Variants in UMODL1 observed in about 807,000 individuals in gnomAD.
The protein encoded by UMODL1 is uromodulin like 1.
In UMODL1, 128 loss-of-function variants were observed where a neutral mutation model predicts 136.3. The ratio of observed to expected loss-of-function variants is 0.94; its 90% CI spans 0.81 to 1.09. The LOEUF (loss-of-function observed/expected upper bound fraction) is 1.09, where lower values mean the gene tolerates loss of function less well. UMODL1 is among the 50% of genes least tolerant of loss of function. UMODL1 has a pLI of 0.00. For missense variants in UMODL1, 1,766 were observed against 1,725.6 expected, an observed-to-expected ratio of 1.02 and a Z score of -0.41; for synonymous variants, 721 against 720.0, an observed-to-expected ratio of 1.00 and a Z score of -0.02.
In UMODL1 at chr21:42,102,201, A is replaced by ACT. The variant is rs1253657953; in HGVS notation, c.1222_1223insCT (p.Asn408ThrfsTer5). The stretch of plus-strand genomic sequence containing the variant: ...ATTTGAAGTCACAATAAAGATTGTA[A>ACT]ACCACAACCTGACGGAGAAGTTACT... On this transcript the variant is annotated frameshift_variant, in exon 8 of 23. Coordinates refer to ENST00000408910, the MANE Select transcript of UMODL1 (RefSeq NM_001004416.3). LOFTEE classifies it high-confidence loss of function. 2 of 1,613,708 alleles carry ACT rather than the reference A, an allele frequency of 1.2e-6. No individual in the cohort carries two copies. The highest frequency in any genetic ancestry group is 2.7e-5 in the African/African-American group (2 of 74,926).
At position 42,103,979 on chromosome 21, in the gene UMODL1, G is replaced by T. The variant is rs150059583; in HGVS notation, c.1411G>T (p.Val471Leu). The change falls in exon 9 of 23, where the codon GTG (valine) becomes TTG (leucine). Residue 471 changes from valine (V) to leucine (L), a missense_variant. Physicochemically the swap from Val to Leu is conservative, Grantham distance 32. Coordinates refer to ENST00000408910, the MANE Select transcript of UMODL1 (RefSeq NM_001004416.3). ...GSVVVRLKLT[V>L]QDPGFPMGIS... ...TGTGGTCGTGAGGCTCAAGCTCACC[G>T]TGCAGGACCCCGGGTTTCCCATGGG... is the stretch of plus-strand genomic sequence containing the variant. 17 of 1,613,950 alleles carry T rather than the reference G, an allele frequency of 1.1e-5. No homozygotes were observed. Among genetic ancestry groups the T allele is most frequent in the Non-Finnish European group, 1.3e-5 (15 of 1,180,040 alleles).
In UMODL1 at chr21:42,127,130, G is replaced by C. The variant is rs757632351; in HGVS notation, c.3418G>C (p.Glu1140Gln). Residue 1140 changes from glutamate (E) to glutamine (Q), a missense_variant, in exon 19 of 23, where the codon GAA (glutamate) becomes CAA (glutamine). By Grantham distance (29) the Glu-to-Gln change is conservative (BLOSUM62 2). Transcript: ENST00000408910. ...GTCTGCCAGTGACGATGTCAGGATC[G>C]AAGTGGGGCTCTACAGGCAGAAAAG... ...SVSASDDVRIEVGLYRQKSNL... is the reference protein window; with the variant it reads ...SVSASDDVRIQVGLYRQKSNL... 21 of 1,614,026 alleles carry C rather than the reference G, an allele frequency of 1.3e-5. No homozygotes were observed. The highest frequency in any genetic ancestry group is 1.8e-5 in the Non-Finnish European group (21 of 1,180,050).
chr21:42,114,801 G>A (rs1272227814), intron 13 of UMODL1, among the ~76,000 whole-genome samples: 1 of 152,198 alleles, frequency 6.6e-6, no homozygotes, highest in Non-Finnish European at 1.5e-5. Context: ...GGGTGGCTCT[G>A]GGGTCTGAGA....
intron 4 of UMODL1, chr21:42,086,656 A>G (rs2066430075): frequency 2.2e-6 from 1 of 454,358 alleles, no homozygotes; most frequent in Non-Finnish European, 4.4e-6. Flanking sequence ...TGTGCCTGAG[A>G]TACCTCCTCC....
chr21:42,073,810 C>T (rs1218972580), intron 1 of UMODL1, among the ~76,000 whole-genome samples: 2 of 146,074 alleles, frequency 1.4e-5, no homozygotes, highest in African/African-American at 5.1e-5. Flanking sequence ...CTGTGTTCCT[C>T]CCCAGAAATC....
At chr21:42,110,846 C>A (rs749124646) in intron 10 of UMODL1, 34 bp from the exon 11 acceptor site, 41 of 1,554,972 alleles carry the variant, frequency 2.6e-5, no homozygotes, top group Middle Eastern at 1.7e-4. Context: ...TGGGTGGGAT[C>A]CAGCAGGCTC....
intron 21 of UMODL1, among the ~76,000 whole-genome samples, chr21:42,130,170 C>T (rs56807142): frequency 4.9e-4 from 74 of 152,038 alleles, no homozygotes; most frequent in African/African-American, 1.7e-3. Flanking sequence ...GTAAATACAT[C>T]CAGTGGGCTG....
At chr21:42,134,656 C>T (rs2067179472) in intron 21 of UMODL1, among the ~76,000 whole-genome samples, 1 of 151,938 alleles carries the variant, frequency 6.6e-6, no homozygotes. Context: ...GCTCTGTTGC[C>T]CAGGCTGGAG....
rs1257322389 is a variant in UMODL1 at position 42,102,185 on chromosome 21, CACAA to C, written c.1207_1210del (p.Thr403Ter). On this transcript the variant is annotated frameshift_variant, in exon 8 of 23. Transcript: ENST00000408910. LOFTEE classifies it high-confidence loss of function. ...TCTCAGATGCCCAGGTATTTGAAGTCACAATAAAGATTGTAAACCACAACCTGAC... is the reference window on the plus strand; with the variant it reads ...TCTCAGATGCCCAGGTATTTGAAGTCTAAAGATTGTAAACCACAACCTGAC... The C allele has an allele frequency of 1.2e-6, 2 of 1,612,618 alleles. No homozygotes were observed. The highest frequency in any genetic ancestry group is 2.7e-5 in the African/African-American group (2 of 74,902).
intron 1 of UMODL1, among the ~76,000 whole-genome samples, chr21:42,064,869 C>A (rs2066171033): frequency 1.3e-5 from 2 of 152,134 alleles, no homozygotes; most frequent in South Asian, 2.1e-4. Context: ...AAATTTCTTT[C>A]TTTTCTTTTC....
intron 13 of UMODL1, among the ~76,000 whole-genome samples, chr21:42,114,837 C>T (rs147862201): frequency 1.8e-3 from 278 of 152,308 alleles, no homozygotes; most frequent in East Asian, 9.6e-3. Flanking sequence ...CTGAAGGTCT[C>T]AGCTGCTCTG....
chr21:42,069,216 A>C, upstream of UMODL1, among the ~76,000 whole-genome samples: 1 of 145,754 alleles, frequency 6.9e-6, no homozygotes, highest in Admixed American at 6.9e-5. Flanking sequence ...TCCATGGACA[A>C]AACACAGACA....
At chr21:42,130,278 G>C (rs1303729030) in intron 21 of UMODL1, among the ~76,000 whole-genome samples, 2 of 151,928 alleles carry the variant, frequency 1.3e-5, no homozygotes, top group Non-Finnish European at 2.9e-5. Flanking sequence ...ACAAGGAAAA[G>C]CTATTTTATT....
At chr21:42,127,618 C>A in intron 19 of UMODL1, 54 bp from the exon 20 acceptor site, 5 of 1,557,284 alleles carry the variant, frequency 3.2e-6, no homozygotes, top group Non-Finnish European at 4.3e-6. Flanking sequence ...CATCTGAGAA[C>A]AAGGACAGCG....
intron 13 of UMODL1, among the ~76,000 whole-genome samples, chr21:42,114,312 A>G (rs1323634417): frequency 6.6e-6 from 1 of 152,272 alleles, no homozygotes; most frequent in East Asian, 1.9e-4. Flanking sequence ...TGAATCAAAC[A>G]TAGACTCCAC....
chr21:42,111,109 C>T lies in UMODL1; in HGVS notation c.1887C>T (p.Gly629=), dbSNP rs764838346. The T allele has an allele frequency of 1.2e-5, 19 of 1,610,540 alleles. No homozygotes were observed. The highest frequency in any genetic ancestry group is 4.0e-5 in the African/African-American group (3 of 74,904). Residue 629 remains glycine (G), a synonymous_variant, in exon 11 of 23, where the codon GGC becomes GGT. Transcript: ENST00000408910. ...ATGACAGGAACAACACAGGAAAAGG[C>T]GTGGAGCAGGAGGTGCCCAGCACTG... ...VGYDRNNTGK[G]VEQELQGNSI... is the part of the protein sequence containing the mutation.
intron 22 of UMODL1, among the ~76,000 whole-genome samples, chr21:42,139,597 G>T (rs2067251703): frequency 6.6e-6 from 1 of 152,104 alleles, no homozygotes; most frequent in Non-Finnish European, 1.5e-5. Context: ...AAAGACGAGA[G>T]GCCAATTTTC....
intron 21 of UMODL1, among the ~76,000 whole-genome samples, chr21:42,136,574 A>G (rs534005263): frequency 6.6e-6 from 1 of 152,308 alleles, no homozygotes; most frequent in Admixed American, 6.5e-5. Flanking sequence ...GTTCCATTGC[A>G]CGGTGGGGCC....
In UMODL1 at chr21:42,123,158, C is replaced by T. The variant is rs752468608; in HGVS notation, c.3147+8C>T. 1 of 1,603,208 alleles carries T rather than the reference C, an allele frequency of 6.2e-7. No individual in the cohort carries two copies. On this transcript the variant is annotated splice_region_variant and intron_variant, in intron 17 of 22. Transcript: ENST00000408910. The surrounding 1 kb of genome is among the most constrained non-coding windows in gnomAD (Gnocchi z 4.4). ...GGGACCCTCATGCAGAGCGTAAGACCAGGAGAGCCAGGCTCAGGATGTACA... is the reference window on the plus strand; with the variant it reads ...GGGACCCTCATGCAGAGCGTAAGACTAGGAGAGCCAGGCTCAGGATGTACA...
Sources: gnomAD v4.1 joint callset for allele counts (sites outside exome capture counted in the v4.1 genomes callset) on GRCh38, gnomAD v4.1.1 for gene constraint, Gnocchi (gnomAD v3.1) non-coding constraint, MANE v1.5 for transcripts, NCBI Gene and HGNC (gene_info 2026-07-23, HGNC 2026-07-21) for gene names.